Variants in DMD observed in about 807,000 individuals in gnomAD.
DMD encodes the protein mutant dystrophin.
DMD carries 63 observed loss-of-function variants against 330.1 expected under a neutral mutation model. The observed-to-expected ratio is 0.19, with a 90% CI of 0.16 to 0.24. The LOEUF is 0.24. DMD is among the 10% of genes least tolerant of loss of function. DMD has a pLI of 1.00. For synonymous variants in DMD, 1,223 were observed against 959.8 expected (o/e 1.27, Z -5.07); for missense variants, 3,344 against 2,684.1 (o/e 1.25, Z -5.43).
At chrX:32,857,159 G>C (rs1285844451) in intron 2 of DMD, among the ~76,000 whole-genome samples, 1 of 111,805 alleles carries the variant, frequency 8.9e-6, no homozygotes, top group Non-Finnish European at 1.9e-5. Flanking sequence ...CACTTACCCT[G>C]ATATGATTAT....
intron 7 of DMD, among the ~76,000 whole-genome samples, chrX:32,700,251 G>T (rs1165867829): frequency 4.5e-5 from 5 of 111,141 alleles, no homozygotes; most frequent in African/African-American, 1.6e-4. Context: ...TAAAAAGAAG[G>T]AAATTTTGTC....
At chrX:31,922,879 G>A (rs1245033582) in intron 47 of DMD, among the ~76,000 whole-genome samples, 2 of 111,315 alleles carry the variant, frequency 1.8e-5, no homozygotes, top group Non-Finnish European at 3.8e-5. Flanking sequence ...AGATTTCTTG[G>A]ATAGGCCGAA....
At chrX:31,219,281 C>T (rs1432306769) in intron 64 of DMD, among the ~76,000 whole-genome samples, 1 of 110,972 alleles carries the variant, frequency 9.0e-6, no homozygotes, top group African/African-American at 3.3e-5. Context: ...CCCTCCCTAC[C>T]CCAGGACAGA....
chrX:32,701,377 T>G (rs1191065365), intron 7 of DMD, among the ~76,000 whole-genome samples: 1 of 112,228 alleles, frequency 8.9e-6, no homozygotes, highest in East Asian at 2.8e-4. Context: ...ATGGTCAAAG[T>G]AATTTTTGCA....
chrX:33,039,343 GCCCACCCCAC>G (rs2094258468), intron 1 of DMD, among the ~76,000 whole-genome samples: 1 of 104,919 alleles, frequency 9.5e-6, no homozygotes. Context: ...TCCTTCCTAC[GCCCACCCCAC>G]CCCACCCCAC....
intron 44 of DMD, among the ~76,000 whole-genome samples, chrX:32,215,284 T>A (rs779420855): frequency 2.0e-3 from 219 of 111,191 alleles, no homozygotes; most frequent in African/African-American, 5.2e-3. Context: ...CCATTTTTTT[T>A]AAAAAAATGG....
intron 60 of DMD, among the ~76,000 whole-genome samples, chrX:31,390,945 C>A (rs1285943452): frequency 1.8e-5 from 2 of 111,463 alleles, no homozygotes; most frequent in Non-Finnish European, 3.8e-5. Context: ...TAGCTCCTAG[C>A]CATACTTGCC....
intron 60 of DMD, among the ~76,000 whole-genome samples, chrX:31,381,478 G>A (rs980268583): frequency 6.3e-5 from 7 of 111,091 alleles, no homozygotes; most frequent in African/African-American, 1.6e-4. Flanking sequence ...TGACGCATAT[G>A]CTTTCTGCTC....
intron 48 of DMD, among the ~76,000 whole-genome samples, chrX:31,861,638 C>CAG (rs375434031): frequency 0.079 from 6,583 of 82,985 alleles, 337 homozygotes; most frequent in African/African-American, 0.13. Flanking sequence ...AAATAATCAC[C>CAG]TGTGTGTGTG....
At chrX:32,813,538 T>C (rs1035854928) in intron 6 of DMD, among the ~76,000 whole-genome samples, 3 of 112,173 alleles carry the variant, frequency 2.7e-5, no homozygotes, top group Non-Finnish European at 5.6e-5. Flanking sequence ...ATATTTTACC[T>C]AGAACGGTGT....
intron 52 of DMD, among the ~76,000 whole-genome samples, chrX:31,714,867 C>CTGGT (rs761587202): frequency 7.1e-4 from 79 of 111,567 alleles, no homozygotes; most frequent in Non-Finnish European, 1.3e-3. Flanking sequence ...TATGGACAGC[C>CTGGT]TGGTTAAGTC....
intron 55 of DMD, among the ~76,000 whole-genome samples, chrX:31,566,677 T>C (rs908781791): frequency 1.8e-5 from 2 of 111,736 alleles, no homozygotes; most frequent in Non-Finnish European, 3.8e-5. Context: ...AACCTTTAGA[T>C]TGATTTGAGA....
intron 15 of DMD, among the ~76,000 whole-genome samples, chrX:32,569,076 A>C (rs16990462): frequency 0.012 from 1,384 of 112,020 alleles, 19 homozygotes; most frequent in African/African-American, 0.043. Context: ...ATAGTAAAAG[A>C]ATAAACAGAC....
At chrX:31,715,988 G>A (rs765289989) in intron 52 of DMD, among the ~76,000 whole-genome samples, 19 of 111,858 alleles carry the variant, frequency 1.7e-4, no homozygotes, top group African/African-American at 3.9e-4. Context: ...TGGCATTCCC[G>A]TTATTTTCAG....
At chrX:31,756,004 G>A (rs1277119335) in intron 51 of DMD, among the ~76,000 whole-genome samples, 1 of 111,540 alleles carries the variant, frequency 9.0e-6, no homozygotes, top group Non-Finnish European at 1.9e-5. Context: ...TGTTCTGCAT[G>A]TTTGTGTGCG....
chrX:32,608,601 C>A (rs1048706964), intron 12 of DMD, among the ~76,000 whole-genome samples: 3 of 110,200 alleles, frequency 2.7e-5, no homozygotes, highest in Non-Finnish European at 3.8e-5. Flanking sequence ...GTATGCCCAA[C>A]GTTTTAATTG....
At chrX:32,639,371 CA>C (rs2059303259) in intron 11 of DMD, among the ~76,000 whole-genome samples, 2 of 110,721 alleles carry the variant, frequency 1.8e-5, no homozygotes, top group South Asian at 7.7e-4. Context: ...GTGTATTCCA[CA>C]GCATTAAAAA....
chrX:33,039,694 T>C (rs1414859849), intron 1 of DMD, among the ~76,000 whole-genome samples: 1 of 111,228 alleles, frequency 9.0e-6, no homozygotes, highest in East Asian at 2.8e-4. Flanking sequence ...GTATTATTCA[T>C]TGTTTCCATC....
intron 2 of DMD, among the ~76,000 whole-genome samples, chrX:32,953,237 C>T (rs771749909): frequency 9.1e-6 from 1 of 109,841 alleles, no homozygotes; most frequent in Non-Finnish European, 1.9e-5. Flanking sequence ...ATGGCGTTTT[C>T]TACTCTTAAT....
Sources: gnomAD v4.1 joint callset for allele counts (sites outside exome capture counted in the v4.1 genomes callset) on GRCh38, gnomAD v4.1.1 for gene constraint, MANE v1.5 for transcripts, NCBI Gene and HGNC (gene_info 2026-07-23, HGNC 2026-07-21) for gene names.